The following CIMAP1D variants were observed in gnomAD, a reference collection of about 807,000 sequenced individuals.
CIMAP1D encodes the protein CIMAP1 family member D.
chr19:478,630 G>A, the CIMAP1D span, among the ~76,000 whole-genome samples: 461 of 152,390 alleles, frequency 3.0e-3, 2 homozygotes, highest in Non-Finnish European at 5.5e-3. Context: ...AGATGCAAAT[G>A]AATTCAACAC....
chr19:474,134 G>A, the CIMAP1D span, among the ~76,000 whole-genome samples: 6 of 152,248 alleles, frequency 3.9e-5, no homozygotes, highest in Non-Finnish European at 5.9e-5. Context: ...GAACCAGCCC[G>A]AGGACCTGGC....
At chr19:474,534 T>G in the CIMAP1D span, 1 of 1,286,370 alleles carries the variant, frequency 7.8e-7, no homozygotes, top group Non-Finnish European at 1.0e-6. Context: ...TGCCTCCTGC[T>G]GGGCTCCCAG....
the CIMAP1D span, among the ~76,000 whole-genome samples, chr19:480,731 G>GA: frequency 1.3e-5 from 2 of 150,126 alleles, no homozygotes; most frequent in African/African-American, 4.9e-5. Context: ...AAGGATGATG[G>GA]GAAGGATGAT....
the CIMAP1D span, among the ~76,000 whole-genome samples, chr19:471,528 G>A: frequency 4.0e-5 from 6 of 148,388 alleles, no homozygotes; most frequent in Non-Finnish European, 5.9e-5. Context: ...CTGCAGCCCC[G>A]ACCTCCTGGG....
the CIMAP1D span, among the ~76,000 whole-genome samples, chr19:466,415 T>C: frequency 7.7e-6 from 1 of 130,414 alleles, no homozygotes; most frequent in Non-Finnish European, 1.6e-5. Context: ...CAAGGTTAGG[T>C]AGATGGTGGA....
the CIMAP1D span, among the ~76,000 whole-genome samples, chr19:488,468 G>A: frequency 3.9e-5 from 6 of 152,238 alleles, no homozygotes; most frequent in African/African-American, 1.4e-4. Context: ...CTTGCGGTGA[G>A]CCGAGATGGC....
the CIMAP1D span, among the ~76,000 whole-genome samples, chr19:465,067 ATGGGTGGG>A: frequency 7.3e-6 from 1 of 137,022 alleles, no homozygotes; most frequent in Non-Finnish European, 1.6e-5. Context: ...GGATGGATGG[ATGGGTGGG>A]TGGAAGGATG....
At chr19:488,000 C>G in the CIMAP1D span, among the ~76,000 whole-genome samples, 1 of 152,110 alleles carries the variant, frequency 6.6e-6, no homozygotes, top group East Asian at 1.9e-4. Flanking sequence ...GTGCATGCAG[C>G]CCCCAGTCAC....
At chr19:489,018 G>C in the CIMAP1D span, among the ~76,000 whole-genome samples, 1 of 152,080 alleles carries the variant, frequency 6.6e-6, no homozygotes, top group Non-Finnish European at 1.5e-5. Flanking sequence ...GGGCTAGAGC[G>C]GCCCCGCCAG....
the CIMAP1D span, among the ~76,000 whole-genome samples, chr19:476,550 C>T: frequency 6.6e-6 from 1 of 152,182 alleles, no homozygotes; most frequent in Non-Finnish European, 1.5e-5. Flanking sequence ...TTATACATTT[C>T]ACCCTGCAAT....
the CIMAP1D span, among the ~76,000 whole-genome samples, chr19:471,771 C>G: frequency 1.3e-5 from 2 of 149,662 alleles, no homozygotes; most frequent in Non-Finnish European, 3.0e-5. Flanking sequence ...GAGACAGAGT[C>G]TCACTCTGTC....
chr19:485,544 G>A, the CIMAP1D span, among the ~76,000 whole-genome samples: 21 of 152,344 alleles, frequency 1.4e-4, no homozygotes, highest in East Asian at 1.4e-3. Context: ...GCTCACTGAC[G>A]GTGGAGAAGG....
At chr19:479,594 G>A in the CIMAP1D span, among the ~76,000 whole-genome samples, 6 of 90,796 alleles carry the variant, frequency 6.6e-5, no homozygotes, top group African/African-American at 1.4e-4. Context: ...TAGTAGAGAC[G>A]GGGTTTCTCC....
At chr19:464,797 G>A in the CIMAP1D span, among the ~76,000 whole-genome samples, 1 of 152,244 alleles carries the variant, frequency 6.6e-6, no homozygotes, top group Admixed American at 6.5e-5. Context: ...TTGACTGTCT[G>A]AGTTGATGGG....
chr19:471,339 G>A, the CIMAP1D span, among the ~76,000 whole-genome samples: 3 of 151,932 alleles, frequency 2.0e-5, no homozygotes, highest in South Asian at 2.1e-4. Flanking sequence ...TAGTAGAGAC[G>A]GGGTTTCACC....
the CIMAP1D span, among the ~76,000 whole-genome samples, chr19:487,670 A>G: frequency 6.6e-6 from 1 of 152,146 alleles, no homozygotes; most frequent in African/African-American, 2.4e-5. Context: ...ACCCTGTGTC[A>G]AAATAATAAC....
the CIMAP1D span, among the ~76,000 whole-genome samples, chr19:476,032 T>A: frequency 1.8e-5 from 2 of 114,050 alleles, no homozygotes; most frequent in African/African-American, 3.7e-5. Context: ...AGAGTCTTGC[T>A]CCCCCGCCCA....
At chr19:481,028 G>A in the CIMAP1D span, among the ~76,000 whole-genome samples, 1 of 146,950 alleles carries the variant, frequency 6.8e-6, no homozygotes, top group Non-Finnish European at 1.5e-5. Flanking sequence ...TGATGGAGAA[G>A]GAATGTGGGA....
the CIMAP1D span, among the ~76,000 whole-genome samples, chr19:481,112 A>AAAACGAT: frequency 2.6e-4 from 28 of 107,968 alleles, no homozygotes; most frequent in South Asian, 6.9e-4. Context: ...ACGATGATGG[A>AAAACGAT]GAAGGAATGT....
Sources: gnomAD v4.1 joint callset for allele counts (sites outside exome capture counted in the v4.1 genomes callset) on GRCh38, gnomAD v4.1.1 for gene constraint, MANE v1.5 for transcripts, NCBI Gene and HGNC (gene_info 2026-07-23, HGNC 2026-07-21) for gene names.